The following KNTC1 variants were observed in gnomAD, a reference collection of about 807,000 sequenced individuals.
KNTC1 encodes kinetochore associated 1.
In KNTC1, 253 loss-of-function variants were observed where a neutral mutation model predicts 314.4. That is an observed-to-expected ratio of 0.80 (90% confidence interval 0.73 to 0.89). KNTC1 has a LOEUF of 0.89. Ranked by LOEUF, KNTC1 falls within the 40% of genes least tolerant of loss-of-function variation. KNTC1 has a pLI of 0.00. For synonymous variants in KNTC1, 901 were observed against 901.4 expected (o/e 1.00, Z 0.01); for missense variants, 2,475 against 2,572.9 (o/e 0.96, Z 0.82).
At chr12:122,593,266 CTTTTTTT>C (rs369511482) in intron 42 of KNTC1, 1 of 139,046 alleles carries the variant, frequency 7.2e-6, no homozygotes, top group Non-Finnish European at 1.5e-5. Flanking sequence ...TTCTTTTTTT[CTTTTTTT>C]TTTTTTTTTG....
intron 16 of KNTC1, among the ~76,000 whole-genome samples, chr12:122,552,118 G>C (rs1963242765): frequency 6.6e-6 from 1 of 152,090 alleles, no homozygotes; most frequent in Non-Finnish European, 1.5e-5. Context: ...ATTTTGGCCA[G>C]GCTGGCCTTG....
intron 18 of KNTC1, among the ~76,000 whole-genome samples, chr12:122,558,252 A>C (rs1265185419): frequency 6.6e-6 from 1 of 150,972 alleles, no homozygotes; most frequent in Non-Finnish European, 1.5e-5. Context: ...TGTGTCTCAA[A>C]AAATAAAATT....
Position 122,539,773 on chromosome 12 carries a change from T to C in KNTC1, c.445+19T>C. The stretch of plus-strand genomic sequence containing the variant: ...AATGAAGGTAAGTTTTCCTGAATTT[T>C]TTTTTGAATGACTTTTTTTTTTTTT... On this transcript the variant is annotated intron_variant, in intron 5 of 63. Transcript: ENST00000333479. The C allele has an allele frequency of 6.7e-7, 1 of 1,495,208 alleles. No individual in the cohort carries two copies. The highest frequency in any genetic ancestry group is 9.0e-7 in the Non-Finnish European group (1 of 1,116,300). The allele number at this position is 1,495,208 out of a possible 1,614,324, so 92.6% of individuals were successfully genotyped here.
intron 13 of KNTC1, 119 bp from the exon 14 acceptor site, chr12:122,551,200 C>A: frequency 3.1e-6 from 2 of 647,758 alleles, no homozygotes; most frequent in Non-Finnish European, 2.7e-6. Flanking sequence ...TTATGGGATA[C>A]CCAGTTGTTT....
rs759508546 is a variant in KNTC1 at position 122,591,404 on chromosome 12, G to T, written c.4196G>T (p.Arg1399Leu). The change falls in exon 42 of 64, where the codon CGT becomes CTT. Residue 1399 changes from arginine (R) to leucine (L), a missense_variant. Physicochemically the swap from Arg to Leu is moderately radical, Grantham distance 102. Coordinates refer to ENST00000333479, the MANE Select transcript of KNTC1 (RefSeq NM_014708.6). ...YQEIEMGLKF[R>L]ELSTDAQWGI... ...GAAATAGAAATGGGGCTTAAGTTCC[G>T]TGAACTCAGTACTGATGCCCAGTGG... 1.2e-6 allele frequency: 2 copies of T among 1,611,130 alleles called. No individual in the cohort carries two copies. The highest frequency in any genetic ancestry group is 2.7e-5 in the African/African-American group (2 of 74,820).
chr12:122,530,224 C>T lies in KNTC1; in HGVS notation c.129+32C>T, dbSNP rs755314518. 6 of 1,601,248 alleles carry T rather than the reference C, an allele frequency of 3.7e-6. No individual in the cohort carries two copies. In the Admixed American group the frequency reaches 1.0e-4, roughly 27 times the overall value. ...ATTATTACACTGACTGTTTCATTCA[C>T]AGAATTTTTACTGAGTGCTTAGTAG... is the stretch of plus-strand genomic sequence containing the variant. On this transcript the variant is annotated intron_variant, in intron 2 of 63. Coordinates refer to ENST00000333479, the MANE Select transcript of KNTC1 (RefSeq NM_014708.6).
intron 5 of KNTC1, among the ~76,000 whole-genome samples, chr12:122,541,801 A>G (rs1382901881): frequency 6.0e-5 from 9 of 151,212 alleles, no homozygotes; most frequent in Admixed American, 5.9e-4. Context: ...CAAGCAGATC[A>G]TGAGGTCAAG....
Position 122,603,070 on chromosome 12 carries a change from T to G in KNTC1, c.4928T>G (p.Phe1643Cys), listed in dbSNP as rs372567149. 6.2e-7 allele frequency: 1 copy of G among 1,613,776 alleles called. No homozygotes were observed. Among genetic ancestry groups the G allele is most frequent in the Non-Finnish European group, 8.5e-7 (1 of 1,179,848 alleles). ...TLYVSTAKHV[F>C]EKKLKPKLLK... is the part of the protein sequence containing the mutation. ...TACGTGTCTACAGCAAAACACGTTT[T>G]CGAAAAAAAACTGAAGCCAAAGCTC... The change falls in exon 48 of 64, where the codon TTC (phenylalanine) becomes TGC (cysteine). Residue 1643 changes from phenylalanine (F) to cysteine (C), a missense_variant. Coordinates refer to ENST00000333479, the MANE Select transcript of KNTC1 (RefSeq NM_014708.6).
Position 122,609,419 on chromosome 12 carries a change from A to T in KNTC1, c.5532A>T (p.Glu1844Asp). The change falls in exon 52 of 64, where the codon GAA (glutamate) becomes GAT (aspartate). Residue 1844 changes from glutamate (E) to aspartate (D), a missense_variant. Glu to Asp is a conservative substitution (Grantham distance 45). Coordinates refer to ENST00000333479, the MANE Select transcript of KNTC1 (RefSeq NM_014708.6). ...AATTATTTGAACTTCAAGAAGATGA[A>T]GCCCTACGAAGGTACTCTTTTCCTT... ...PSELFELQED[E>D]ALRRVQYLLL... is the part of the protein sequence containing the mutation. 1 of 1,580,262 alleles carries T rather than the reference A, an allele frequency of 6.3e-7. No homozygotes were observed. Among genetic ancestry groups the T allele is most frequent in the Admixed American group, 1.8e-5 (1 of 55,666 alleles).
chr12:122,605,265 T>C, intron 50 of KNTC1, 41 bp from the exon 51 acceptor site: 3 of 1,334,198 alleles, frequency 2.2e-6, no homozygotes, highest in Non-Finnish European at 3.1e-6. Flanking sequence ...TATAAATATT[T>C]AAAACTTGAG....
At chr12:122,617,295 T>C in intron 57 of KNTC1, 1 of 341,270 alleles carries the variant, frequency 2.9e-6, no homozygotes, top group Non-Finnish European at 5.9e-6. Context: ...TTATTTTTAA[T>C]GCTTGATTAT....
intron 61 of KNTC1, 60 bp from the exon 62 acceptor site, chr12:122,622,397 ATAGAT>A: frequency 7.5e-7 from 1 of 1,334,714 alleles, no homozygotes; most frequent in Non-Finnish European, 1.0e-6. Flanking sequence ...CTGTCATTCT[ATAGAT>A]TAGAAGTCTG....
chr12:122,598,589 T>C (rs1211213072), intron 44 of KNTC1, among the ~76,000 whole-genome samples: 3 of 151,458 alleles, frequency 2.0e-5, no homozygotes, highest in Admixed American at 2.0e-4. Flanking sequence ...CCTGGCTCAT[T>C]TTTGTATTTT....
At chr12:122,603,501 T>TTG (rs1872217753) in intron 48 of KNTC1, among the ~76,000 whole-genome samples, 2 of 145,520 alleles carry the variant, frequency 1.4e-5, no homozygotes, top group Admixed American at 6.9e-5. Context: ...TCACACTTTC[T>TTG]TTTTTTTTTT....
At chr12:122,616,355 T>C (rs1411163269) in intron 57 of KNTC1, among the ~76,000 whole-genome samples, 9 of 150,784 alleles carry the variant, frequency 6.0e-5, no homozygotes. Flanking sequence ...CTCCGCCTGC[T>C]GGGTTCACGC....
chr12:122,620,194 A>T, intron 59 of KNTC1: 6 of 174,250 alleles, frequency 3.4e-5, no homozygotes, highest in Non-Finnish European at 3.6e-5. Flanking sequence ...AAAGGTTTTG[A>T]GTCTTCTGAG....
At chr12:122,569,513 A>G (rs1338402910) in intron 21 of KNTC1, among the ~76,000 whole-genome samples, 168 bp from the exon 22 acceptor site, 1 of 152,328 alleles carries the variant, frequency 6.6e-6, no homozygotes, top group African/African-American at 2.4e-5. Flanking sequence ...TGCATACAGT[A>G]TGCAGCTCCC....
rs35997194 is a variant in KNTC1, at chr12:122,614,880, C to CAA, written c.5878-99_5878-98dup. On this transcript the variant is annotated intron_variant, in intron 55 of 63. Coordinates refer to ENST00000333479, the MANE Select transcript of KNTC1 (RefSeq NM_014708.6). The stretch of plus-strand genomic sequence containing the variant: ...TGGGCAACAGAGTGAGACTCCATCT[C>CAA]AAAAAAAAAAAAAGCAGCATATTTT... 442 of 541,002 alleles carry CAA rather than the reference C, an allele frequency of 8.2e-4. 1 individual carries two copies. Among genetic ancestry groups the CAA allele is most frequent in the African/African-American group, 1.0e-3 (46 of 45,790 alleles). 33.5% of individuals were successfully genotyped at this position (541,002 alleles called of 1,614,324 possible).
intron 21 of KNTC1, 28 bp from the exon 22 acceptor site, chr12:122,569,653 T>G: frequency 6.3e-7 from 1 of 1,589,410 alleles, no homozygotes; most frequent in Non-Finnish European, 8.6e-7. Context: ...ATTTGTCAGA[T>G]CTTAATTTCT....
Sources: allele counts gnomAD v4.1 joint callset (sites outside exome capture counted in the v4.1 genomes callset), GRCh38; gene constraint gnomAD v4.1.1; transcripts MANE v1.5; gene names NCBI Gene and HGNC (gene_info 2026-07-23, HGNC 2026-07-21).